SLC7A1: variants seen among roughly 807,000 people sequenced by gnomAD.
SLC7A1 encodes solute carrier family 7 member 1, also known as high affinity cationic amino acid transporter 1.
A neutral mutation model predicts 53.9 loss-of-function variants in SLC7A1; 10 were observed. The observed-to-expected ratio is 0.19, with a 90% confidence interval of 0.11 to 0.31. SLC7A1 has a LOEUF of 0.31. SLC7A1 is among the 10% of genes least tolerant of loss of function. SLC7A1 has a pLI of 1.00. For missense variants in SLC7A1, 525 were observed against 827.2 expected (o/e 0.63, Z 4.48); for synonymous variants, 342 against 338.7 (o/e 1.01, Z -0.11).
intron 2 of SLC7A1, among the ~76,000 whole-genome samples, chr13:29,552,041 T>C (rs760286676): frequency 6.6e-5 from 10 of 152,190 alleles, no homozygotes; most frequent in Admixed American, 5.2e-4. Flanking sequence ...TGCTTACATG[T>C]GGCAAAGGTC....
In SLC7A1 at chr13:29,516,332, C is replaced by G. The variant is rs1883553770; in HGVS notation, c.1678-86G>C. 4.7e-6 allele frequency: 4 copies of G among 849,420 alleles called. No homozygotes were observed. The Admixed American group carries it at 8.4e-5, about 18-fold the overall frequency. 52.6% of individuals were successfully genotyped at this position (849,420 alleles called of 1,614,324 possible). On this transcript the variant is annotated intron_variant, in intron 11 of 12. Transcript: ENST00000380752. The stretch of plus-strand genomic sequence containing the variant: ...AAACTGTCTAGTAAAGGCAGCACAA[C>G]TGAGAGTGACAGGGACCGTCGGGCG...
chr13:29,591,105 A>G (rs904662490), intron 1 of SLC7A1, among the ~76,000 whole-genome samples: 5 of 152,020 alleles, frequency 3.3e-5, no homozygotes, highest in Non-Finnish European at 5.9e-5. Flanking sequence ...GTGTGACCCT[A>G]TCTCAAAATA....
At chr13:29,582,653 A>C (rs577728788) in intron 1 of SLC7A1, among the ~76,000 whole-genome samples, 3 of 152,274 alleles carry the variant, frequency 2.0e-5, no homozygotes, top group African/African-American at 7.2e-5. Flanking sequence ...AGAGCTGGTT[A>C]GAAATGCAGT....
At chr13:29,530,862 A>G (rs946582278) in intron 4 of SLC7A1, 150 bp from the exon 5 acceptor site, 1 of 625,608 alleles carries the variant, frequency 1.6e-6, no homozygotes, top group Non-Finnish European at 2.8e-6. Context: ...AATGGGGTGG[A>G]TTAATTATCT....
At chr13:29,561,210 A>G (rs1870740060) in intron 1 of SLC7A1, among the ~76,000 whole-genome samples, 2 of 152,188 alleles carry the variant, frequency 1.3e-5, no homozygotes, top group African/African-American at 4.8e-5. Context: ...CACACTTCTC[A>G]TCTCCTAAAG....
At chr13:29,545,395 G>A (rs1362988364) in intron 2 of SLC7A1, among the ~76,000 whole-genome samples, 2 of 151,954 alleles carry the variant, frequency 1.3e-5, no homozygotes, top group African/African-American at 4.8e-5. Context: ...TCCTGTCCAG[G>A]TTTCCATAGG....
rs565101120 is a variant in SLC7A1, at chr13:29,559,891, A to AT, written c.-114-6032dup. Among the ~76,000 whole-genome samples, 7 of 151,916 alleles carry AT rather than the reference A, an allele frequency of 4.6e-5. No homozygotes were observed. In the South Asian group the frequency reaches 1.5e-3, roughly 32 times the overall value. On this transcript the variant is annotated intron_variant, in intron 1 of 12. Transcript: ENST00000380752. ...CCACCGCGCCCGGATAATTTTTTGT[A>AT]TTTTTAGTAGAGACGGGGTTTCACC... is the stretch of plus-strand genomic sequence containing the variant.
chr13:29,530,813 A>G, intron 4 of SLC7A1, 101 bp from the exon 5 acceptor site: 2 of 907,922 alleles, frequency 2.2e-6, no homozygotes, highest in Non-Finnish European at 3.4e-6. Flanking sequence ...AAAGAATCCA[A>G]GTGCATCGAG....
intron 5 of SLC7A1, among the ~76,000 whole-genome samples, chr13:29,524,772 G>A (rs562062164): frequency 5.9e-4 from 90 of 152,338 alleles, no homozygotes; most frequent in Non-Finnish European, 1.1e-3. Flanking sequence ...TGGAGTCCAG[G>A]AGGGCGCAGC....
At chr13:29,514,655 AG>A (rs1883502466) in intron 12 of SLC7A1, 72 bp from the exon 13 acceptor site, 2 of 1,197,746 alleles carry the variant, frequency 1.7e-6, no homozygotes, top group African/African-American at 3.0e-5. Context: ...CTCAGAGCCC[AG>A]GGCGGTCCCA....
At chr13:29,541,749 A>G (rs1421709744) in intron 2 of SLC7A1, among the ~76,000 whole-genome samples, 2 of 152,138 alleles carry the variant, frequency 1.3e-5, no homozygotes, top group Non-Finnish European at 2.9e-5. Context: ...GGAAAAAATG[A>G]GAAAAACCCT....
chr13:29,591,156 C>T (rs992885369), intron 1 of SLC7A1, among the ~76,000 whole-genome samples: 1 of 152,016 alleles, frequency 6.6e-6, no homozygotes, highest in Non-Finnish European at 1.5e-5. Flanking sequence ...AGGAACTGAG[C>T]CTTCTTTCCA....
At chr13:29,593,590 A>T (rs1264094305) in intron 1 of SLC7A1, among the ~76,000 whole-genome samples, 1 of 152,250 alleles carries the variant, frequency 6.6e-6, no homozygotes, top group Non-Finnish European at 1.5e-5. Context: ...ATTTAATTGG[A>T]CATAATTCTG....
chr13:29,593,084 C>T (rs1330941), intron 1 of SLC7A1, among the ~76,000 whole-genome samples: 2 of 152,158 alleles, frequency 1.3e-5, no homozygotes, highest in Middle Eastern at 3.2e-3. Context: ...AGGCAGGCAC[C>T]TGAGAGGGGC....
intron 1 of SLC7A1, among the ~76,000 whole-genome samples, chr13:29,595,171 G>C (rs1872259832): frequency 1.3e-5 from 2 of 152,056 alleles, no homozygotes; most frequent in Admixed American, 1.3e-4. Flanking sequence ...ACCACGCCGC[G>C]GTTTCAGGGA....
intron 1 of SLC7A1, among the ~76,000 whole-genome samples, chr13:29,560,175 A>G (rs1305397369): frequency 6.6e-6 from 1 of 152,000 alleles, no homozygotes; most frequent in East Asian, 1.9e-4. Flanking sequence ...TTAAAAACCA[A>G]GATGCAGACA....
At chr13:29,551,139 A>G (rs1481793437) in intron 2 of SLC7A1, among the ~76,000 whole-genome samples, 2 of 152,208 alleles carry the variant, frequency 1.3e-5, no homozygotes, top group Non-Finnish European at 2.9e-5. Context: ...TGGGAGCTAT[A>G]AAGATGAGAC....
At chr13:29,584,704 G>C (rs1349014310) in intron 1 of SLC7A1, among the ~76,000 whole-genome samples, 2 of 151,702 alleles carry the variant, frequency 1.3e-5, no homozygotes, top group Non-Finnish European at 2.9e-5. Flanking sequence ...CAGACTTAAA[G>C]ACATTTATTT....
intron 5 of SLC7A1, among the ~76,000 whole-genome samples, chr13:29,527,790 G>A (rs980512274): frequency 7.9e-5 from 12 of 152,314 alleles, no homozygotes; most frequent in African/African-American, 2.2e-4. Flanking sequence ...GCAGGGCTCC[G>A]CCACCCTCAC....
Sources: gnomAD v4.1 joint callset for allele counts (sites outside exome capture counted in the v4.1 genomes callset) on GRCh38, gnomAD v4.1.1 for gene constraint, MANE v1.5 for transcripts, NCBI Gene and HGNC (gene_info 2026-07-23, HGNC 2026-07-21) for gene names.